SHISA9: variants seen among roughly 807,000 people sequenced by gnomAD.
The protein encoded by SHISA9 is shisa family member 9, also known as protein shisa-9.
In SHISA9, 13 loss-of-function variants were observed where a neutral mutation model predicts 38.0. The observed-to-expected ratio is 0.34, with a 90% CI of 0.22 to 0.54. The LOEUF is 0.54. SHISA9 is among the 20% of genes least tolerant of loss of function. SHISA9 has a pLI of 0.91. For missense variants in SHISA9, 538 were observed against 575.8 expected (o/e 0.93, Z 0.67); for synonymous variants, 275 against 242.0 (o/e 1.14, Z -1.27).
At chr16:13,003,552 C>T (rs569076268) in intron 2 of SHISA9, among the ~76,000 whole-genome samples, 3 of 152,278 alleles carry the variant, frequency 2.0e-5, no homozygotes, top group African/African-American at 4.8e-5. Context: ...CCACCACTAA[C>T]GACAGCAAAT....
chr16:13,463,080 T>TG, the SHISA9 span, among the ~76,000 whole-genome samples: 579 of 151,952 alleles, frequency 3.8e-3, 6 homozygotes, highest in African/African-American at 0.013. Context: ...CACTTGAGCC[T>TG]GGGGGGGGAA....
intron 2 of SHISA9, among the ~76,000 whole-genome samples, chr16:13,019,930 T>TCC (rs2072823255): frequency 4.0e-5 from 4 of 100,200 alleles, no homozygotes; most frequent in South Asian, 3.7e-4. Context: ...TTTCTTTCTT[T>TCC]CTTTCTTTCT....
At chr16:13,529,512 A>G in the SHISA9 span, among the ~76,000 whole-genome samples, 92 of 152,304 alleles carry the variant, frequency 6.0e-4, no homozygotes, top group African/African-American at 2.2e-3. Flanking sequence ...TTGATTTATG[A>G]CTTTGCTTGT....
intron 4 of SHISA9, among the ~76,000 whole-genome samples, chr16:13,230,210 T>C (rs1271464172): frequency 6.6e-6 from 1 of 152,230 alleles, no homozygotes; most frequent in African/African-American, 2.4e-5. Flanking sequence ...TGTCTGTTTC[T>C]GATTCTTCTT....
At chr16:13,114,428 T>A (rs2074010035) in intron 2 of SHISA9, among the ~76,000 whole-genome samples, 1 of 132,560 alleles carries the variant, frequency 7.5e-6, no homozygotes, top group East Asian at 2.2e-4. Flanking sequence ...ATTGCACCAC[T>A]GCACTCCAGC....
At chr16:13,268,657 G>A in the SHISA9 span, among the ~76,000 whole-genome samples, 1 of 152,146 alleles carries the variant, frequency 6.6e-6, no homozygotes, top group Non-Finnish European at 1.5e-5. Context: ...CTCAATGTGA[G>A]CGTATTTTCC....
chr16:13,192,897 AGAAG>A (rs1162054738), intron 2 of SHISA9, among the ~76,000 whole-genome samples: 1 of 151,836 alleles, frequency 6.6e-6, no homozygotes, highest in Non-Finnish European at 1.5e-5. Flanking sequence ...AGAAGAAGAA[AGAAG>A]GAGGAGGAGG....
At chr16:13,259,084 T>C in the SHISA9 span, among the ~76,000 whole-genome samples, 1 of 152,152 alleles carries the variant, frequency 6.6e-6, no homozygotes, top group Non-Finnish European at 1.5e-5. Flanking sequence ...GAAAGCAAGC[T>C]AGTTACTTCC....
At chr16:13,142,776 C>T (rs905050308) in intron 2 of SHISA9, among the ~76,000 whole-genome samples, 1 of 152,092 alleles carries the variant, frequency 6.6e-6, no homozygotes, top group Admixed American at 6.6e-5. Flanking sequence ...AGCAACCTTA[C>T]CATGTTGAAC....
chr16:13,149,043 C>A (rs981606229), intron 2 of SHISA9, among the ~76,000 whole-genome samples: 5 of 152,086 alleles, frequency 3.3e-5, no homozygotes, highest in Non-Finnish European at 5.9e-5. Context: ...AGCAGGTGTT[C>A]TAGGCAAAGG....
the SHISA9 span, among the ~76,000 whole-genome samples, chr16:13,325,673 G>T: frequency 6.6e-6 from 1 of 152,176 alleles, no homozygotes; most frequent in Admixed American, 6.5e-5. Context: ...GACTAGGAGA[G>T]TTGATAATCT....
chr16:13,062,548 A>G (rs276628), intron 2 of SHISA9, among the ~76,000 whole-genome samples: 30,816 of 151,962 alleles, frequency 0.2, 3,518 homozygotes, highest in African/African-American at 0.31. Context: ...TGTTTCCTAA[A>G]GTGCTGCAGA....
chr16:13,328,106 G>T, the SHISA9 span, among the ~76,000 whole-genome samples: 187 of 152,248 alleles, frequency 1.2e-3, no homozygotes, highest in African/African-American at 3.9e-3. Context: ...CCTAAATACA[G>T]ATATTTCCCA....
At chr16:13,538,027 C>G in the SHISA9 span, among the ~76,000 whole-genome samples, 6 of 152,216 alleles carry the variant, frequency 3.9e-5, no homozygotes, top group African/African-American at 1.4e-4. Flanking sequence ...ATATGTTAGA[C>G]TGTTGAAGTT....
the SHISA9 span, among the ~76,000 whole-genome samples, chr16:13,347,697 A>G: frequency 4.3e-4 from 65 of 152,288 alleles, no homozygotes; most frequent in Admixed American, 7.2e-4. Context: ...ACACTGGGTT[A>G]TTTCTAGAAT....
At chr16:13,053,488 C>T (rs1466425593) in intron 2 of SHISA9, among the ~76,000 whole-genome samples, 3 of 152,222 alleles carry the variant, frequency 2.0e-5, no homozygotes, top group East Asian at 1.9e-4. Context: ...CAACTGTTCT[C>T]TTAAATAATG....
At chr16:12,976,224 G>A (rs59461376) in intron 2 of SHISA9, among the ~76,000 whole-genome samples, 21,718 of 152,006 alleles carry the variant, frequency 0.14, 1,644 homozygotes, top group Middle Eastern at 0.17. Flanking sequence ...ACTAGCTGGA[G>A]CCACAGGTGT....
At chr16:13,487,537 C>T in the SHISA9 span, among the ~76,000 whole-genome samples, 44 of 152,306 alleles carry the variant, frequency 2.9e-4, no homozygotes, top group Non-Finnish European at 5.3e-4. Context: ...ACCAAGGGGA[C>T]GGCCCAAGCC....
intron 2 of SHISA9, among the ~76,000 whole-genome samples, chr16:13,150,523 G>C (rs1235814133): frequency 6.6e-6 from 1 of 152,208 alleles, no homozygotes; most frequent in East Asian, 1.9e-4. Context: ...CTCCAAGATA[G>C]TGAGATTATT....
Sources: allele counts gnomAD v4.1 joint callset (sites outside exome capture counted in the v4.1 genomes callset), GRCh38; gene constraint gnomAD v4.1.1; transcripts MANE v1.5; gene names NCBI Gene and HGNC (gene_info 2026-07-23, HGNC 2026-07-21).